The following MSTN variants were observed in gnomAD, a reference collection of about 807,000 sequenced individuals.
MSTN encodes the protein growth/differentiation factor 8.
In MSTN, 12 loss-of-function variants were observed where a neutral mutation model predicts 32.3. The observed-to-expected ratio is 0.37, with a 90% CI of 0.24 to 0.60. MSTN has a LOEUF of 0.60. Ranked by LOEUF, MSTN falls within the 20% of genes least tolerant of loss-of-function variation. The probability of loss-of-function intolerance (pLI) is 0.67; values close to 1 mark genes in which losing one functional copy is unlikely to be tolerated. For missense variants in MSTN, 403 were observed against 450.3 expected, an observed-to-expected ratio of 0.89 and a Z score of 0.95; for synonymous variants, 168 against 155.1, an observed-to-expected ratio of 1.08 and a Z score of -0.62.
chr2:190,057,898 T>C (rs1288290354), intron 2 of MSTN, among the ~76,000 whole-genome samples: 1 of 152,016 alleles, frequency 6.6e-6, no homozygotes, highest in East Asian at 1.9e-4. Flanking sequence ...CAAGTTTGAG[T>C]ACCAGATTGC....
At chr2:190,062,196 G>A in intron 1 of MSTN, 28 bp downstream of exon 1, 1 of 1,611,036 alleles carries the variant, frequency 6.2e-7, no homozygotes, top group Non-Finnish European at 8.5e-7. Context: ...CAGCAGAACT[G>A]TTGATATACA....
At chr2:190,058,066 G>A (rs1247809514) in intron 2 of MSTN, among the ~76,000 whole-genome samples, 1 of 151,962 alleles carries the variant, frequency 6.6e-6, no homozygotes, top group African/African-American at 2.4e-5. Flanking sequence ...AAATATGCCT[G>A]GTAACTCCTG....
At chr2:190,061,041 G>A (rs565650643) in intron 1 of MSTN, among the ~76,000 whole-genome samples, 5 of 152,046 alleles carry the variant, frequency 3.3e-5, no homozygotes, top group African/African-American at 9.7e-5. Flanking sequence ...TGAAAAGTTC[G>A]AAAGTATTGT....
chr2:190,057,322 C>A lies in MSTN; in HGVS notation c.1064G>T (p.Gly355Val). ...TTTCCCATATATTATTTGTTCTTTG[C>A]CATTAAAATATAGCATATTAATTGG... is the stretch of plus-strand genomic sequence containing the variant. Reference protein sequence around the residue: ...MSPINMLYFNGKEQIIYGKIP... With the variant: ...MSPINMLYFNVKEQIIYGKIP... Residue 355 changes from glycine (G) to valine (V), a missense_variant, in exon 3 of 3, where the codon GGC (glycine) becomes GTC (valine). Transcript: ENST00000260950. 6.2e-7 allele frequency: 1 copy of A among 1,613,392 alleles called. No individual in the cohort carries two copies. The highest frequency in any genetic ancestry group is 2.2e-5 in the East Asian group (1 of 44,880).
At chr2:190,057,872 T>C (rs1685480410) in intron 2 of MSTN, among the ~76,000 whole-genome samples, 1 of 152,052 alleles carries the variant, frequency 6.6e-6, no homozygotes, top group Non-Finnish European at 1.5e-5. Context: ...CCATGTCTTT[T>C]TAAGTTTTAT....
intron 2 of MSTN, 144 bp from the exon 3 acceptor site, chr2:190,057,782 T>A: frequency 1.2e-6 from 1 of 838,084 alleles, no homozygotes; most frequent in Non-Finnish European, 1.9e-6. Context: ...CATTAAGGAA[T>A]GTTAATTTAC....
intron 1 of MSTN, among the ~76,000 whole-genome samples, chr2:190,060,968 T>G (rs182279834): frequency 6.6e-6 from 1 of 152,146 alleles, no homozygotes; most frequent in East Asian, 1.9e-4. Context: ...GGAATAACCT[T>G]TTAAAGGAGC....
chr2:190,060,150 T>G lies in MSTN; in HGVS notation c.659A>C (p.Glu220Ala), dbSNP rs2105752613. ...TVLQNWLKQP[E>A]SNLGIEIKAL... Reference sequence around the variant, plus strand: ...TTTTATTTCAATGCCTAAGTTGGATTCAGGTTGTTTGAGCCAATTTTGCAA... The same window carrying G: ...TTTTATTTCAATGCCTAAGTTGGATGCAGGTTGTTTGAGCCAATTTTGCAA... The change falls in exon 2 of 3, where the codon GAA becomes GCA. Residue 220 changes from glutamate to alanine, a missense_variant. Transcript: ENST00000260950. 6.2e-7 allele frequency: 1 copy of G among 1,613,018 alleles called. No homozygotes were observed. The highest frequency in any genetic ancestry group is 2.2e-5 in the East Asian group (1 of 44,858).
At chr2:190,060,583 T>A in intron 1 of MSTN, 148 bp from the exon 2 acceptor site, 1 of 714,924 alleles carries the variant, frequency 1.4e-6, no homozygotes, top group Non-Finnish European at 2.2e-6. Flanking sequence ...ACTTTATAAC[T>A]CAAAAAAATG....
chr2:190,057,252 T>C lies in MSTN; in HGVS notation c.*6A>G. 1 of 1,613,020 alleles carries C rather than the reference T, an allele frequency of 6.2e-7. No individual in the cohort carries two copies. The highest frequency in any genetic ancestry group is 8.5e-7 in the Non-Finnish European group (1 of 1,179,270). The stretch of plus-strand genomic sequence containing the variant: ...TTTAGGAAGTTATGAACGCTTAATA[T>C]AAATCTCATGAGCACCCACAGCGGT... On this transcript the variant is annotated 3_prime_UTR_variant, in exon 3 of 3. Coordinates refer to ENST00000260950, the MANE Select transcript of MSTN (RefSeq NM_005259.3).
rs747240208 is a variant in MSTN, at chr2:190,060,035, A to T, written c.747+27T>A. ...TTATGAATAAAAACATAAGGTTATT[A>T]TAATGTTATTTTCAGTTATCACTTA... On this transcript the variant is annotated intron_variant, in intron 2 of 2. Transcript: ENST00000260950. 1.4e-5 allele frequency: 23 copies of T among 1,601,990 alleles called. 2 individuals are homozygous for T. The South Asian group carries it at 2.3e-4, about 16-fold the overall frequency.
At position 190,062,722 on chromosome 2, in the gene MSTN, G is replaced by C; in HGVS notation, c.-126C>G. On this transcript the variant is annotated 5_prime_UTR_variant, in exon 1 of 3. Coordinates refer to ENST00000260950, the MANE Select transcript of MSTN (RefSeq NM_005259.3). Reference sequence around the variant, plus strand: ...GTCTGAGAGACAACTTGCCACACCAGTGAATCTTTTATACTGTATTCCAAG... The same window carrying C: ...GTCTGAGAGACAACTTGCCACACCACTGAATCTTTTATACTGTATTCCAAG... 2.3e-6 allele frequency: 2 copies of C among 859,448 alleles called. No individual in the cohort carries two copies. The highest frequency in any genetic ancestry group is 3.6e-6 in the Non-Finnish European group (2 of 562,486). The allele number at this position is 859,448 out of a possible 1,614,324, so 53.2% of individuals were successfully genotyped here. A position where few individuals can be genotyped will look rare whatever the true frequency, so the allele number is the denominator to read the frequency against.
At chr2:190,061,924 T>G (rs1430283143) in intron 1 of MSTN, among the ~76,000 whole-genome samples, 3 of 152,050 alleles carry the variant, frequency 2.0e-5, no homozygotes, top group Non-Finnish European at 2.9e-5. Context: ...CTCCCAGTCC[T>G]TGCCTTGGTG....
chr2:190,060,256 T>C lies in MSTN; in HGVS notation c.553A>G (p.Arg185Gly). The change falls in exon 2 of 3, where the codon AGG becomes GGG. Residue 185 changes from arginine to glycine, a missense_variant. Coordinates refer to ENST00000260950, the MANE Select transcript of MSTN (RefSeq NM_005259.3). The stretch of plus-strand genomic sequence containing the variant: ...TTCAGAGATCGGATTCCAGTATACC[T>C]TGTACCGTCTTTCATAGGTTTGATG... ...RLIKPMKDGT[R>G]YTGIRSLKLD... is the part of the protein sequence containing the mutation. 1 of 1,613,132 alleles carries C rather than the reference T, an allele frequency of 6.2e-7. No individual in the cohort carries two copies. The highest frequency in any genetic ancestry group is 8.5e-7 in the Non-Finnish European group (1 of 1,179,280).
chr2:190,060,219 T>C lies in MSTN; in HGVS notation c.590A>G (p.Asn197Ser), dbSNP rs1363501902. 6.2e-7 allele frequency: 1 copy of C among 1,612,984 alleles called. No homozygotes were observed. Among genetic ancestry groups the C allele is most frequent in the Admixed American group, 1.7e-5 (1 of 59,906 alleles). Residue 197 changes from asparagine (N) to serine (S), a missense_variant, in exon 2 of 3, where the codon AAC becomes AGC. Physicochemically the swap from Asn to Ser is conservative, Grantham distance 46. Transcript: ENST00000260950. ...GCTCTGCCAAATACCAGTGCCTGGG[T>C]TCATGTCAAGTTTCAGAGATCGGAT... ...TGIRSLKLDM[N>S]PGTGIWQSID... is the part of the protein sequence containing the mutation.
chr2:190,060,820 T>C (rs1331878509), intron 1 of MSTN, among the ~76,000 whole-genome samples: 2 of 151,998 alleles, frequency 1.3e-5, no homozygotes, highest in Non-Finnish European at 2.9e-5. Context: ...TTACACTTAC[T>C]GAGCAGCTGT....
rs757480660 is a variant in MSTN, at chr2:190,060,113, C to T, written c.696G>A (p.Glu232=). The T allele has an allele frequency of 6.2e-7, 1 of 1,612,822 alleles. No homozygotes were observed. Among genetic ancestry groups the T allele is most frequent in the Admixed American group, 1.7e-5 (1 of 59,924 alleles). Residue 232 remains glutamate (E), a synonymous_variant, in exon 2 of 3, where the codon GAG becomes GAA. Transcript: ENST00000260950. ...AGGTTACAGCAAGATCATGACCATT[C>T]TCATCTAAAGCTTTTATTTCAATGC... ...NLGIEIKALD[E]NGHDLAVTFP... is the part of the protein sequence containing the mutation.
In MSTN at chr2:190,057,274, C is replaced by A. The variant is rs772177439; in HGVS notation, c.1112G>T (p.Arg371Leu). The A allele has an allele frequency of 1.9e-6, 3 of 1,613,184 alleles. No individual in the cohort carries two copies. The highest frequency in any genetic ancestry group is 2.5e-6 in the Non-Finnish European group (3 of 1,179,372). The change falls in exon 3 of 3, where the codon CGC (arginine) becomes CTC (leucine). Residue 371 changes from arginine (R) to leucine (L), a missense_variant. By Grantham distance (102) the Arg-to-Leu change is moderately radical. Coordinates refer to ENST00000260950, the MANE Select transcript of MSTN (RefSeq NM_005259.3). ...ATATAAATCTCATGAGCACCCACAG[C>A]GGTCTACTACCATCGCTGGAATTTT... Reference protein sequence around the residue: ...YGKIPAMVVDRCGCS With the variant: ...YGKIPAMVVDLCGCS
At position 190,060,427 on chromosome 2, in the gene MSTN, G is replaced by T. The variant is rs1180881023; in HGVS notation, c.382C>A (p.Leu128Ile). Residue 128 changes from leucine to isoleucine, a missense_variant, in exon 2 of 3, where the codon CTA (leucine) becomes ATA (isoleucine). By Grantham distance (5) the Leu-to-Ile change is conservative. Coordinates refer to ENST00000260950, the MANE Select transcript of MSTN (RefSeq NM_005259.3). Reference sequence around the variant, plus strand: ...TTGGGTTTTCCATCCACTTGCATTAGAAAATCAGCTATAAATGAATAAGAA... The same window carrying T: ...TTGGGTTTTCCATCCACTTGCATTATAAAATCAGCTATAAATGAATAAGAA... ...IITMPTESDF[L>I]MQVDGKPKCC... 2.5e-6 allele frequency: 4 copies of T among 1,609,354 alleles called. No homozygotes were observed.
Sources: gnomAD v4.1 joint callset for allele counts (sites outside exome capture counted in the v4.1 genomes callset) on GRCh38, gnomAD v4.1.1 for gene constraint, MANE v1.5 for transcripts, NCBI Gene and HGNC (gene_info 2026-07-23, HGNC 2026-07-21) for gene names.